Variants in ANKRD44 observed in about 807,000 individuals in gnomAD.
ANKRD44 encodes serine/threonine-protein phosphatase 6 regulatory ankyrin repeat subunit B.
ANKRD44 carries 35 observed loss-of-function variants against 116.0 expected under a neutral mutation model. The observed-to-expected ratio is 0.30, with a 90% CI of 0.23 to 0.40. ANKRD44 has a LOEUF of 0.40. ANKRD44 is among the 10% of genes least tolerant of loss of function. The pLI, the probability that ANKRD44 is intolerant of heterozygous loss-of-function variation, is 1.00. For synonymous variants in ANKRD44, 435 were observed against 461.8 expected, an observed-to-expected ratio of 0.94 and a Z score of 0.74; for missense variants, 1,014 against 1,242.6, an observed-to-expected ratio of 0.82 and a Z score of 2.77.
intron 1 of ANKRD44, among the ~76,000 whole-genome samples, chr2:197,192,259 A>C (rs1003275913): frequency 1.3e-5 from 2 of 152,232 alleles, no homozygotes; most frequent in Non-Finnish European, 2.9e-5. Flanking sequence ...TGGTAACTAC[A>C]GTCAATGGTA....
chr2:197,277,574 T>C (rs1003546415), intron 1 of ANKRD44, among the ~76,000 whole-genome samples: 13 of 152,240 alleles, frequency 8.5e-5, no homozygotes, highest in African/African-American at 3.1e-4. Flanking sequence ...TCCTATCCAG[T>C]CTTTCAGAAT....
chr2:197,196,000 T>G (rs980554040), intron 1 of ANKRD44, among the ~76,000 whole-genome samples: 1 of 152,210 alleles, frequency 6.6e-6, no homozygotes, highest in African/African-American at 2.4e-5. Context: ...AAAAGGACAA[T>G]GGATCCAGGA....
At chr2:197,292,773 C>T (rs1308348155) in intron 1 of ANKRD44, among the ~76,000 whole-genome samples, 1 of 152,190 alleles carries the variant, frequency 6.6e-6, no homozygotes, top group Non-Finnish European at 1.5e-5. Context: ...GGAAATCACA[C>T]TCTGCCTCCT....
intron 2 of ANKRD44, among the ~76,000 whole-genome samples, chr2:197,148,689 G>A (rs1342860712): frequency 6.6e-6 from 1 of 152,134 alleles, no homozygotes; most frequent in Non-Finnish European, 1.5e-5. Flanking sequence ...CTTCAAACCA[G>A]TCTATTTTTT....
At chr2:197,125,724 G>T in intron 5 of ANKRD44, 113 bp downstream of exon 5, 1 of 1,215,376 alleles carries the variant, frequency 8.2e-7, no homozygotes, top group Non-Finnish European at 1.2e-6. Context: ...TGAAGGTTTG[G>T]TGTACAAATA....
Position 197,153,916 on chromosome 2 carries a change from T to C in ANKRD44, c.112-6811A>G, listed in dbSNP as rs536404476. Among the ~76,000 whole-genome samples the C allele has an allele frequency of 2.8e-4, 43 of 152,144 alleles. 1 individual carries two copies. The South Asian group carries it at 8.9e-3, about 31-fold the overall frequency. ...AGGAAAGGGATTAGGTTGTTTTTAA[T>C]TCTTCAAACCACTATTAAAAATGGT... On this transcript the variant is annotated intron_variant, in intron 2 of 27. Coordinates refer to ENST00000282272, the MANE Select transcript of ANKRD44 (RefSeq NM_001195144.2).
At chr2:197,106,262 C>T (rs939368971) in intron 9 of ANKRD44, among the ~76,000 whole-genome samples, 11 of 151,518 alleles carry the variant, frequency 7.3e-5, no homozygotes, top group Middle Eastern at 3.5e-3. Flanking sequence ...GCCAATATGG[C>T]GAAACCCCAT....
chr2:196,984,282 T>G (rs1290846983), downstream of ANKRD44, among the ~76,000 whole-genome samples: 3 of 152,080 alleles, frequency 2.0e-5, no homozygotes, highest in African/African-American at 7.2e-5. Context: ...AATACTCTAG[T>G]AGCAGCCCTG....
chr2:197,291,656 C>G (rs1574459198), intron 1 of ANKRD44, among the ~76,000 whole-genome samples: 1 of 152,134 alleles, frequency 6.6e-6, no homozygotes, highest in East Asian at 1.9e-4. Flanking sequence ...TTCCAACTAT[C>G]GAATAATGCT....
intron 10 of ANKRD44, among the ~76,000 whole-genome samples, chr2:197,094,094 CG>C (rs1553506344): frequency 2.6e-5 from 4 of 152,156 alleles, no homozygotes; most frequent in Non-Finnish European, 5.9e-5. Flanking sequence ...AGCCTTCACA[CG>C]ATTAGAATTT....
At chr2:197,226,746 A>G (rs2081726857) in intron 1 of ANKRD44, among the ~76,000 whole-genome samples, 1 of 152,224 alleles carries the variant, frequency 6.6e-6, no homozygotes, top group African/African-American at 2.4e-5. Flanking sequence ...TTCCACAGGT[A>G]AGGAAGCTGA....
chr2:197,239,521 T>G (rs527577753), intron 1 of ANKRD44, among the ~76,000 whole-genome samples: 133 of 152,244 alleles, frequency 8.7e-4, no homozygotes, highest in African/African-American at 3.0e-3. Context: ...TGAGGCACTG[T>G]GCCCGGCCAA....
chr2:197,110,619 T>G (rs1312070545), intron 9 of ANKRD44, 147 bp downstream of exon 9: 3 of 703,904 alleles, frequency 4.3e-6, no homozygotes, highest in Non-Finnish European at 7.7e-6. Flanking sequence ...ATGAACAGTT[T>G]TTAGCAAAGT....
Position 196,989,052 on chromosome 2 carries a change from G to A in ANKRD44, c.*539C>T, listed in dbSNP as rs537403545. The stretch of plus-strand genomic sequence containing the variant: ...TCTAACCAACGCGGAAGAACCTGAG[G>A]GTCATCTGGAAACCTTAGCAGTGGA... On this transcript the variant is annotated 3_prime_UTR_variant, in exon 28 of 28. Transcript: ENST00000282272. The A allele has an allele frequency of 3.0e-6, 3 of 985,436 alleles. No homozygotes were observed. Among genetic ancestry groups the A allele is most frequent in the South Asian group, 9.4e-5 (2 of 21,274 alleles). 61.0% of individuals were successfully genotyped at this position (985,436 alleles called of 1,614,324 possible).
Position 197,237,019 on chromosome 2 carries a change from C to T in ANKRD44, c.28-49913G>A, listed in dbSNP as rs185782636. ...AAAGTGTTCTTTGATGCCCTGGCAGCGGGGAGAGATGGCAATGGTGTAGAA... is the reference window on the plus strand; with the variant it reads ...AAAGTGTTCTTTGATGCCCTGGCAGTGGGGAGAGATGGCAATGGTGTAGAA... On this transcript the variant is annotated intron_variant, in intron 1 of 27. Coordinates refer to ENST00000282272, the MANE Select transcript of ANKRD44 (RefSeq NM_001195144.2). Among the ~76,000 whole-genome samples, 101 of 152,218 alleles carry T rather than the reference C, an allele frequency of 6.6e-4. 1 individual carries two copies. The highest frequency in any genetic ancestry group is 1.0e-3 in the Admixed American group (16 of 15,286).
intron 1 of ANKRD44, among the ~76,000 whole-genome samples, chr2:197,197,715 T>G (rs2080986395): frequency 7.0e-6 from 1 of 142,470 alleles, no homozygotes; most frequent in Non-Finnish European, 1.5e-5. Flanking sequence ...GAGGCTGAGG[T>G]GGGAGAACCA....
At chr2:197,273,443 C>A (rs2082956192) in intron 1 of ANKRD44, among the ~76,000 whole-genome samples, 1 of 152,180 alleles carries the variant, frequency 6.6e-6, no homozygotes, top group Non-Finnish European at 1.5e-5. Context: ...AACAGTCATT[C>A]CCATTTGATG....
At chr2:197,126,914 G>A (rs939308479) in intron 4 of ANKRD44, among the ~76,000 whole-genome samples, 4 of 151,990 alleles carry the variant, frequency 2.6e-5, no homozygotes, top group African/African-American at 9.7e-5. Context: ...GAGCTCAGGA[G>A]TTTGACGTGA....
At chr2:197,076,201 T>G (rs940441819) in intron 16 of ANKRD44, among the ~76,000 whole-genome samples, 1 of 152,210 alleles carries the variant, frequency 6.6e-6, no homozygotes, top group Non-Finnish European at 1.5e-5. Context: ...TGTCTCTTTG[T>G]CAACATAACT....
Sources: gnomAD v4.1 joint callset for allele counts (sites outside exome capture counted in the v4.1 genomes callset) on GRCh38, gnomAD v4.1.1 for gene constraint, MANE v1.5 for transcripts, NCBI Gene and HGNC (gene_info 2026-07-23, HGNC 2026-07-21) for gene names.